Variants in CEMIP observed in about 807,000 individuals in gnomAD.
The protein encoded by CEMIP is cell migration inducing hyaluronidase 1, also known as cell migration-inducing and hyaluronan-binding protein.
In CEMIP, 105 loss-of-function variants were observed where a neutral mutation model predicts 156.9. The ratio of observed to expected loss-of-function variants is 0.67; its 90% CI spans 0.57 to 0.79. The LOEUF (loss-of-function observed/expected upper bound fraction) is 0.79. CEMIP is among the 30% of genes least tolerant of loss of function. The probability of loss-of-function intolerance (pLI) is 0.00; values close to 1 mark genes in which losing one functional copy is unlikely to be tolerated. For missense variants in CEMIP, 1,457 were observed against 1,769.4 expected, an observed-to-expected ratio of 0.82 and a Z score of 3.17; for synonymous variants, 676 against 668.4, an observed-to-expected ratio of 1.01 and a Z score of -0.17.
intron 1 of CEMIP, among the ~76,000 whole-genome samples, chr15:80,846,790 C>A (rs149411764): frequency 6.6e-6 from 1 of 152,196 alleles, no homozygotes; most frequent in Non-Finnish European, 1.5e-5. Context: ...AATGTGAAGT[C>A]CTAATTCCTG....
intron 1 of CEMIP, among the ~76,000 whole-genome samples, chr15:80,847,162 C>T (rs960709635): frequency 1.3e-5 from 2 of 152,210 alleles, no homozygotes; most frequent in African/African-American, 4.8e-5. Flanking sequence ...CATCCTCCCA[C>T]CTTAGCCTCC....
rs1186120340 is a variant in CEMIP, at chr15:80,779,547, C to T, written c.-243C>T. The T allele has an allele frequency of 6.6e-6, 1 of 152,260 alleles. No individual in the cohort carries two copies. The allele number at this position is 152,260 out of a possible 1,614,324, so 9.4% of individuals were successfully genotyped here. On this transcript the variant is annotated 5_prime_UTR_variant, in exon 1 of 30. Transcript: ENST00000394685. ...GCTCGCGGCGCCTGGCGGTCAGCGA[C>T]CAGACGTCCGGGGCCGCTGCGCTCC...
intron 28 of CEMIP, 128 bp from the exon 29 acceptor site, chr15:80,946,837 G>A (rs1014069806): frequency 8.1e-5 from 58 of 717,228 alleles, no homozygotes; most frequent in African/African-American, 1.2e-4. Flanking sequence ...GCCCTTTCCC[G>A]AATCCCTGGA....
At chr15:80,947,261 C>T (rs1901597642) in intron 29 of CEMIP, 196 bp downstream of exon 29, 1 of 548,476 alleles carries the variant, frequency 1.8e-6, no homozygotes, top group African/African-American at 1.9e-5. Context: ...CACCCCTGCA[C>T]TGCAGCAAAT....
chr15:80,852,486 G>C (rs1361356843), intron 1 of CEMIP, among the ~76,000 whole-genome samples: 3 of 152,000 alleles, frequency 2.0e-5, no homozygotes, highest in Admixed American at 1.3e-4. Context: ...CATTTTTGCT[G>C]TTACTTTTAA....
chr15:80,876,440 C>A (rs1898481794), intron 3 of CEMIP, among the ~76,000 whole-genome samples: 1 of 152,178 alleles, frequency 6.6e-6, no homozygotes, highest in Non-Finnish European at 1.5e-5. Flanking sequence ...ACATTTTTTC[C>A]TTTTGTTGCC....
At chr15:80,913,632 T>G (rs1466890838) in intron 14 of CEMIP, among the ~76,000 whole-genome samples, 1 of 143,168 alleles carries the variant, frequency 7.0e-6, no homozygotes, top group Non-Finnish European at 1.5e-5. Flanking sequence ...AGATAATGTA[T>G]GTGATATGGT....
intron 1 of CEMIP, among the ~76,000 whole-genome samples, chr15:80,867,255 T>C (rs1021224299): frequency 6.6e-6 from 1 of 152,198 alleles, no homozygotes; most frequent in Non-Finnish European, 1.5e-5. Flanking sequence ...CCTACACTGA[T>C]AGGCATAAGA....
intron 6 of CEMIP, among the ~76,000 whole-genome samples, chr15:80,882,748 G>GCA (rs1222853395): frequency 5.3e-5 from 7 of 132,094 alleles, no homozygotes; most frequent in Non-Finnish European, 8.6e-5. Context: ...ATAAGCGCAT[G>GCA]CACACACATA....
chr15:80,835,735 T>C (rs1897257740), intron 1 of CEMIP, among the ~76,000 whole-genome samples: 1 of 152,172 alleles, frequency 6.6e-6, no homozygotes, highest in Admixed American at 6.5e-5. Context: ...TTCTTAGGGG[T>C]TTCCTCTTTC....
Position 80,912,379 on chromosome 15 carries a change from T to C in CEMIP, c.1797+3073T>C, listed in dbSNP as rs529535033. 7.2e-5 allele frequency among the ~76,000 whole-genome samples: 11 copies of C among 152,058 alleles called. No individual in the cohort carries two copies. In the South Asian group the frequency reaches 2.3e-3, roughly 32 times the overall value. The stretch of plus-strand genomic sequence containing the variant: ...TGCCAAGGTCTCCCTCCGGCCTGGG[T>C]CTCAGGGATGCCAGCTGCAAACTGG... On this transcript the variant is annotated intron_variant, in intron 14 of 29. Coordinates refer to ENST00000394685, the MANE Select transcript of CEMIP (RefSeq NM_001293298.2).
intron 3 of CEMIP, among the ~76,000 whole-genome samples, chr15:80,875,519 C>T (rs932401364): frequency 6.6e-6 from 1 of 152,168 alleles, no homozygotes; most frequent in African/African-American, 2.4e-5. Flanking sequence ...GAGGTGCCCT[C>T]AGGTACTTCC....
chr15:80,865,022 C>G (rs997794238), intron 1 of CEMIP, among the ~76,000 whole-genome samples: 5 of 152,112 alleles, frequency 3.3e-5, no homozygotes, highest in African/African-American at 1.2e-4. Flanking sequence ...ACCTTCTACA[C>G]CACTCTGAGT....
At chr15:80,894,865 T>C in intron 10 of CEMIP, 125 bp from the exon 11 acceptor site, 1 of 1,173,250 alleles carries the variant, frequency 8.5e-7, no homozygotes, top group Non-Finnish European at 1.3e-6. Flanking sequence ...TCTCGGGCCG[T>C]TGTAAATAGT....
At chr15:80,823,788 A>C (rs957803728) in intron 1 of CEMIP, among the ~76,000 whole-genome samples, 2 of 152,220 alleles carry the variant, frequency 1.3e-5, no homozygotes, top group African/African-American at 4.8e-5. Context: ...CACTTCCAGA[A>C]GGTGAAATGA....
intron 6 of CEMIP, among the ~76,000 whole-genome samples, chr15:80,881,386 GA>G (rs1165603907): frequency 1.3e-5 from 2 of 152,142 alleles, no homozygotes; most frequent in Non-Finnish European, 2.9e-5. Context: ...TAGTAAGGGG[GA>G]AAAAAGACAG....
chr15:80,828,207 C>T (rs994002302), intron 1 of CEMIP, among the ~76,000 whole-genome samples: 1 of 152,004 alleles, frequency 6.6e-6, no homozygotes, highest in South Asian at 2.1e-4. Context: ...GGTGAAACCT[C>T]GTCTCTACTA....
chr15:80,828,116 C>T (rs1440074871), intron 1 of CEMIP, among the ~76,000 whole-genome samples: 15 of 152,306 alleles, frequency 9.8e-5, no homozygotes, highest in Non-Finnish European at 2.1e-4. Flanking sequence ...TGGTGGCTCA[C>T]GCCTATAATC....
chr15:80,882,623 CAG>C (rs1356769983), intron 6 of CEMIP, among the ~76,000 whole-genome samples: 1 of 152,188 alleles, frequency 6.6e-6, no homozygotes, highest in Non-Finnish European at 1.5e-5. Flanking sequence ...GTGATCTGGA[CAG>C]ATGCTGTAGA....
Sources: allele counts gnomAD v4.1 joint callset (sites outside exome capture counted in the v4.1 genomes callset), GRCh38; gene constraint gnomAD v4.1.1; transcripts MANE v1.5; gene names NCBI Gene and HGNC (gene_info 2026-07-23, HGNC 2026-07-21).